Variants in KIRREL3 observed in about 807,000 individuals in gnomAD.
KIRREL3 encodes the protein kin of IRRE-like protein 3.
KIRREL3 carries 36 observed loss-of-function variants against 89.7 expected under a neutral mutation model. The ratio of observed to expected loss-of-function variants is 0.40; its 90% confidence interval spans 0.31 to 0.53. KIRREL3 has a LOEUF of 0.53. KIRREL3 is among the 20% of genes least tolerant of loss of function. The pLI, the probability that KIRREL3 is intolerant of heterozygous loss-of-function variation, is 0.49. For synonymous variants in KIRREL3, 445 were observed against 441.4 expected (o/e 1.01, Z -0.10); for missense variants, 864 against 1,056.6 (o/e 0.82, Z 2.53).
intron 2 of KIRREL3, among the ~76,000 whole-genome samples, chr11:126,539,865 G>A (rs532364198): frequency 1.2e-4 from 19 of 152,320 alleles, no homozygotes; most frequent in African/African-American, 3.8e-4. Context: ...CTCACTTGGT[G>A]TTGACCTGAT....
rs181943246 is a variant in KIRREL3, at chr11:126,734,852, G to A, written c.56-171940C>T. Among the ~76,000 whole-genome samples the A allele has an allele frequency of 7.9e-5, 12 of 152,234 alleles. No homozygotes were observed. Among genetic ancestry groups the A allele is most frequent in the Admixed American group, 6.5e-4 (10 of 15,294 alleles). On this transcript the variant is annotated intron_variant, in intron 1 of 16. Coordinates refer to ENST00000525144, the MANE Select transcript of KIRREL3 (RefSeq NM_032531.4). The surrounding 1 kb of genome is among the most constrained non-coding windows in gnomAD (Gnocchi z 5.9). The stretch of plus-strand genomic sequence containing the variant: ...TCTGAACGATTCTTGAAGAATGAAT[G>A]GGAGTTAGGGGTGGTTGGGGAGGAC...
intron 4 of KIRREL3, among the ~76,000 whole-genome samples, chr11:126,502,947 C>T (rs1219427352): frequency 1.3e-5 from 2 of 152,272 alleles, no homozygotes; most frequent in African/African-American, 2.4e-5. Flanking sequence ...TGGTGTGCGG[C>T]TCAGATAATC....
Position 126,490,492 on chromosome 11 carries a change from T to C in KIRREL3, c.434-17026A>G, listed in dbSNP as rs1175076579. Among the ~76,000 whole-genome samples the C allele has an allele frequency of 6.6e-6, 1 of 151,994 alleles. No homozygotes were observed. Among genetic ancestry groups the C allele is most frequent in the Non-Finnish European group, 1.5e-5 (1 of 67,988 alleles). On this transcript the variant is annotated intron_variant, in intron 4 of 16. Coordinates refer to ENST00000525144, the MANE Select transcript of KIRREL3 (RefSeq NM_032531.4). This position sits in a 1 kb window ranked among gnomAD's most constrained non-coding sequence, Gnocchi z 4.2. ...TGCTCAGAAATCCTGGGGGCTGAGA[T>C]ACAACCTCAGTGAACAAGCCACTGG... is the stretch of plus-strand genomic sequence containing the variant.
rs757988161 is a variant in KIRREL3 at position 126,978,671 on chromosome 11, G to C, written c.55+21784C>G. The stretch of plus-strand genomic sequence containing the variant: ...TGCTACTCCCTCTTCTCCTCATCCC[G>C]CTCTCTGCCCATTTTCTTAGCTAAT... On this transcript the variant is annotated intron_variant, in intron 1 of 16. Coordinates refer to ENST00000525144, the MANE Select transcript of KIRREL3 (RefSeq NM_032531.4). The surrounding 1 kb of genome is among the most constrained non-coding windows in gnomAD (Gnocchi z 4.2). Among the ~76,000 whole-genome samples, 1 of 151,960 alleles carries C rather than the reference G, an allele frequency of 6.6e-6. No homozygotes were observed. Among genetic ancestry groups the C allele is most frequent in the African/African-American group, 2.4e-5 (1 of 41,360 alleles).
chr11:126,607,105 G>A lies in KIRREL3; in HGVS notation c.56-44193C>T, dbSNP rs538724591. Among the ~76,000 whole-genome samples, 52 of 152,288 alleles carry A rather than the reference G, an allele frequency of 3.4e-4. 1 individual carries two copies. In the South Asian group the frequency reaches 0.011, roughly 31 times the overall value. ...AGAACCAACCACAGGGCTTGTCGTG[G>A]GGCTTATGAGTAGCTAGGGCCTCCC... On this transcript the variant is annotated intron_variant, in intron 1 of 16. Coordinates refer to ENST00000525144, the MANE Select transcript of KIRREL3 (RefSeq NM_032531.4). The surrounding 1 kb of genome is among the most constrained non-coding windows in gnomAD (Gnocchi z 6.6).
intron 1 of KIRREL3, among the ~76,000 whole-genome samples, chr11:126,966,277 A>G (rs1227034205): frequency 1.3e-5 from 2 of 152,324 alleles, no homozygotes; most frequent in African/African-American, 4.8e-5. Flanking sequence ...ATAATGTAAA[A>G]GGAAAAAGTC....
intron 1 of KIRREL3, among the ~76,000 whole-genome samples, chr11:126,730,486 T>C (rs1023124396): frequency 1.3e-5 from 2 of 152,226 alleles, no homozygotes; most frequent in East Asian, 3.9e-4. Context: ...CCATACTACA[T>C]AAGTTTGCTT....
chr11:126,559,141 G>T (rs561421514), intron 2 of KIRREL3, among the ~76,000 whole-genome samples: 1 of 152,264 alleles, frequency 6.6e-6, no homozygotes, highest in African/African-American at 2.4e-5. Flanking sequence ...TCCCAGGAAG[G>T]GGCTGTAGCA....
In KIRREL3 at chr11:126,719,372, C is replaced by T. The variant is rs1170657947; in HGVS notation, c.56-156460G>A. Reference sequence around the variant, plus strand: ...GGTCTACTCTTACTCACAGCTACTCCTTCTCCATCTCCTTTGCTAGTTCCT... The same window carrying T: ...GGTCTACTCTTACTCACAGCTACTCTTTCTCCATCTCCTTTGCTAGTTCCT... On this transcript the variant is annotated intron_variant, in intron 1 of 16. Transcript: ENST00000525144. The surrounding 1 kb of genome is among the most constrained non-coding windows in gnomAD (Gnocchi z 4.7). 2.0e-5 allele frequency among the ~76,000 whole-genome samples: 3 copies of T among 152,172 alleles called. No individual in the cohort carries two copies. The highest frequency in any genetic ancestry group is 6.5e-5 in the Admixed American group (1 of 15,284).
chr11:126,698,632 G>A (rs1201343059), intron 1 of KIRREL3, among the ~76,000 whole-genome samples: 1 of 152,248 alleles, frequency 6.6e-6, no homozygotes, highest in Non-Finnish European at 1.5e-5. Flanking sequence ...TCTGCTGCGT[G>A]AGGAGGAAGA....
chr11:126,669,763 G>T lies in KIRREL3; in HGVS notation c.56-106851C>A, dbSNP rs1315558757. ...CTTTAAATACCATTGAGATACAGAT[G>T]ATTTTTTAAATTATAAATCCAGTCT... is the stretch of plus-strand genomic sequence containing the variant. On this transcript the variant is annotated intron_variant, in intron 1 of 16. Coordinates refer to ENST00000525144, the MANE Select transcript of KIRREL3 (RefSeq NM_032531.4). The surrounding 1 kb of genome is among the most constrained non-coding windows in gnomAD (Gnocchi z 5.0). 6.6e-6 allele frequency among the ~76,000 whole-genome samples: 1 copy of T among 152,190 alleles called. No homozygotes were observed. Among genetic ancestry groups the T allele is most frequent in the Non-Finnish European group, 1.5e-5 (1 of 68,024 alleles).
chr11:126,722,142 A>G (rs1948199296), intron 1 of KIRREL3, among the ~76,000 whole-genome samples: 1 of 152,184 alleles, frequency 6.6e-6, no homozygotes, highest in Admixed American at 6.5e-5. Context: ...ACCTGCTGTC[A>G]CTTCTCTCCT....
Position 126,870,396 on chromosome 11 carries a change from G to C in KIRREL3, c.55+130059C>G, listed in dbSNP as rs867102624. Among the ~76,000 whole-genome samples, 5 of 152,240 alleles carry C rather than the reference G, an allele frequency of 3.3e-5. No homozygotes were observed. In the South Asian group the frequency reaches 1.0e-3, roughly 32 times the overall value. ...GCTGGAGGTCCCATCCAGTCAAGTG[G>C]CTCGCCACTTAGGTCTGAACCAAAG... On this transcript the variant is annotated intron_variant, in intron 1 of 16. Transcript: ENST00000525144. The surrounding 1 kb of genome is among the most constrained non-coding windows in gnomAD (Gnocchi z 4.4).
chr11:126,945,861 G>T (rs1948607418), intron 1 of KIRREL3, among the ~76,000 whole-genome samples: 1 of 152,176 alleles, frequency 6.6e-6, no homozygotes, highest in Non-Finnish European at 1.5e-5. Flanking sequence ...AATGATATTG[G>T]TGTTGTAGTC....
chr11:126,648,230 G>GT (rs1944769587), intron 1 of KIRREL3, among the ~76,000 whole-genome samples: 1 of 152,158 alleles, frequency 6.6e-6, no homozygotes, highest in Non-Finnish European at 1.5e-5. Context: ...CTACAGAACC[G>GT]TGAGTCAATT....
chr11:126,737,157 G>A (rs1194276941), intron 1 of KIRREL3, among the ~76,000 whole-genome samples: 1 of 152,204 alleles, frequency 6.6e-6, no homozygotes, highest in Admixed American at 6.5e-5. Flanking sequence ...TGTGTCCCCT[G>A]ATTGGAGGCC....
At chr11:126,631,542 T>C (rs1290771853) in intron 1 of KIRREL3, among the ~76,000 whole-genome samples, 1 of 152,028 alleles carries the variant, frequency 6.6e-6, no homozygotes, top group East Asian at 1.9e-4. Context: ...GAAATTGAGA[T>C]GGAGAGAGGT....
Position 126,705,425 on chromosome 11 carries a change from C to T in KIRREL3, c.56-142513G>A, listed in dbSNP as rs537955370. The stretch of plus-strand genomic sequence containing the variant: ...GATCTGGTTGTTTAAAAGTCTGAGA[C>T]CTCTCCTTCCCTCTCTCTTGCACCT... On this transcript the variant is annotated intron_variant, in intron 1 of 16. Transcript: ENST00000525144. The surrounding 1 kb of genome is among the most constrained non-coding windows in gnomAD (Gnocchi z 4.3). Among the ~76,000 whole-genome samples the T allele has an allele frequency of 2.3e-4, 35 of 152,028 alleles. 1 individual carries two copies. Among genetic ancestry groups the T allele is most frequent in the Middle Eastern group, 3.4e-3 (1 of 294 alleles).
intron 12 of KIRREL3, among the ~76,000 whole-genome samples, chr11:126,435,531 G>A (rs1242624722): frequency 6.6e-5 from 10 of 151,488 alleles, no homozygotes; most frequent in African/African-American, 2.4e-4. Context: ...GTCTCGGAGG[G>A]GTCTGGGAGG....
Sources: allele counts gnomAD v4.1 joint callset (sites outside exome capture counted in the v4.1 genomes callset), GRCh38; gene constraint gnomAD v4.1.1; non-coding constraint Gnocchi (gnomAD v3.1); transcripts MANE v1.5; gene names NCBI Gene and HGNC (gene_info 2026-07-23, HGNC 2026-07-21).